Variants in RBFOX1 observed in about 807,000 individuals in gnomAD.
The protein encoded by RBFOX1 is RNA binding protein fox-1 homolog 1.
A neutral mutation model predicts 57.7 loss-of-function variants in RBFOX1; 8 were observed. The ratio of observed to expected loss-of-function variants is 0.14; its 90% CI spans 0.08 to 0.25. RBFOX1 has a LOEUF of 0.25. RBFOX1 is among the 10% of genes least tolerant of loss of function. The pLI, the probability that RBFOX1 is intolerant of heterozygous loss-of-function variation, is 1.00. For missense variants in RBFOX1, 611 were observed against 548.5 expected (o/e 1.11, Z -1.14); for synonymous variants, 326 against 222.4 (o/e 1.47, Z -4.15).
intron 3 of RBFOX1, among the ~76,000 whole-genome samples, chr16:6,957,766 T>A (rs2082173890): frequency 6.6e-6 from 1 of 152,144 alleles, no homozygotes. Context: ...TTCAAACATC[T>A]GTGACTGTTG....
At chr16:6,716,641 C>T (rs1054482514) in intron 3 of RBFOX1, among the ~76,000 whole-genome samples, 1 of 152,184 alleles carries the variant, frequency 6.6e-6, no homozygotes, top group Non-Finnish European at 1.5e-5. Context: ...CCCTTGGACC[C>T]CAGGTATCTG....
intron 4 of RBFOX1, among the ~76,000 whole-genome samples, chr16:7,231,298 C>A (rs546379659): frequency 6.6e-6 from 1 of 152,104 alleles, no homozygotes; most frequent in African/African-American, 2.4e-5. Context: ...ATGTGTTTAT[C>A]CTTAAACCAA....
intron 3 of RBFOX1, among the ~76,000 whole-genome samples, chr16:5,847,193 C>G (rs534938574): frequency 1.8e-4 from 28 of 152,244 alleles, no homozygotes; most frequent in African/African-American, 6.7e-4. Context: ...ATACATGACT[C>G]TCAGGTAGGA....
intron 3 of RBFOX1, among the ~76,000 whole-genome samples, chr16:5,613,648 AG>A (rs1253290153): frequency 6.6e-6 from 1 of 152,202 alleles, no homozygotes; most frequent in African/African-American, 2.4e-5. Flanking sequence ...GAGGCAGTCC[AG>A]TACCAGGACC....
intron 2 of RBFOX1, among the ~76,000 whole-genome samples, chr16:5,550,428 G>C (rs978565298): frequency 2.0e-5 from 3 of 152,182 alleles, no homozygotes; most frequent in African/African-American, 4.8e-5. Context: ...CGCTCTGTTG[G>C]ATCCATCAGC....
intron 2 of RBFOX1, among the ~76,000 whole-genome samples, chr16:5,483,807 C>G (rs979622154): frequency 1.3e-5 from 2 of 152,168 alleles, no homozygotes; most frequent in Non-Finnish European, 2.9e-5. Context: ...CATGGTTTCT[C>G]TGTGTCGGCA....
At chr16:5,710,795 T>C (rs768805431) in intron 3 of RBFOX1, among the ~76,000 whole-genome samples, 1 of 152,154 alleles carries the variant, frequency 6.6e-6, no homozygotes, top group Non-Finnish European at 1.5e-5. Context: ...TCTGGGCTTG[T>C]TGGCAGTGGT....
chr16:7,565,726 T>C (rs1347333262), intron 5 of RBFOX1, among the ~76,000 whole-genome samples: 2 of 152,190 alleles, frequency 1.3e-5, no homozygotes, highest in African/African-American at 4.8e-5. Flanking sequence ...CTCTGAGAAA[T>C]AACTTGATTG....
At chr16:5,964,605 A>G (rs901102574) in intron 4 of RBFOX1, among the ~76,000 whole-genome samples, 31 of 152,056 alleles carry the variant, frequency 2.0e-4, no homozygotes, top group African/African-American at 6.8e-4. Context: ...ATATCTATGT[A>G]TATATATATC....
chr16:7,668,934 C>A (rs182197465), intron 13 of RBFOX1, among the ~76,000 whole-genome samples: 1 of 152,176 alleles, frequency 6.6e-6, no homozygotes, highest in Admixed American at 6.5e-5. Context: ...GGTGGAATCT[C>A]GCTCTGTCGC....
intron 2 of RBFOX1, among the ~76,000 whole-genome samples, chr16:6,594,835 C>G (rs955533154): frequency 2.6e-5 from 4 of 152,180 alleles, no homozygotes; most frequent in African/African-American, 9.7e-5. Context: ...GTCGCCCAGG[C>G]TGGAGTGCAG....
chr16:6,929,046 G>A (rs1269710019), intron 3 of RBFOX1, among the ~76,000 whole-genome samples: 1 of 152,156 alleles, frequency 6.6e-6, no homozygotes, highest in East Asian at 1.9e-4. Flanking sequence ...GAGCCAGTTA[G>A]GAAGACGCCA....
Position 5,424,933 on chromosome 16 carries a change from TTC to T in RBFOX1, c.220-42275_220-42274del, listed in dbSNP as rs1364987875. Among the ~76,000 whole-genome samples the T allele has an allele frequency of 1.5e-4, 16 of 109,860 alleles. No individual in the cohort carries two copies. The East Asian group carries it at 1.9e-3, about 13-fold the overall frequency. 72.1% of individuals were successfully genotyped at this position (109,860 alleles called of 152,430 possible). On this transcript the variant is annotated intron_variant, in intron 1 of 2. Transcript: ENST00000585867. ...TTTCTTTCTTTCTTTCTTTCTTTCT[TTC>T]TCTCTCTTCTTTCTTCCTTTGTTTC...
chr16:7,277,636 AG>A (rs1425444757), intron 4 of RBFOX1, among the ~76,000 whole-genome samples: 5 of 152,156 alleles, frequency 3.3e-5, no homozygotes, highest in Admixed American at 3.3e-4. Flanking sequence ...TCTCAGTGGT[AG>A]GGTTCCTTAA....
intron 4 of RBFOX1, among the ~76,000 whole-genome samples, chr16:5,957,574 C>G (rs1477510109): frequency 6.6e-6 from 1 of 152,162 alleles, no homozygotes; most frequent in Non-Finnish European, 1.5e-5. Flanking sequence ...GCAGCTGATC[C>G]TTCATATGTG....
At chr16:5,618,628 C>T (rs768159615) in intron 3 of RBFOX1, among the ~76,000 whole-genome samples, 16 of 152,216 alleles carry the variant, frequency 1.1e-4, no homozygotes, top group Non-Finnish European at 2.2e-4. Context: ...TGAGCCATCG[C>T]GCCCAGCTGG....
rs551779584 is a variant in RBFOX1 at position 5,821,230 on chromosome 16, T to C, written c.319-46073T>C. 3.9e-3 allele frequency among the ~76,000 whole-genome samples: 585 copies of C among 151,632 alleles called. 3 individuals are homozygous for C. Among genetic ancestry groups the C allele is most frequent in the Middle Eastern group, 0.021 (6 of 290 alleles). ...AGATGCTGAAGCCTAAGACTACTAC[T>C]AGGCTGGCCACTTTCCATCCCAGTT... On this transcript the variant is annotated intron_variant, in intron 3 of 19. Transcript: ENST00000641259.
chr16:6,006,347 C>G (rs1044100979), intron 4 of RBFOX1, among the ~76,000 whole-genome samples: 3 of 146,660 alleles, frequency 2.0e-5, no homozygotes, highest in African/African-American at 5.1e-5. Context: ...AGTGCACACA[C>G]AAGGATTTGT....
intron 1 of RBFOX1, among the ~76,000 whole-genome samples, chr16:6,216,110 C>A (rs1014484062): frequency 6.6e-6 from 1 of 152,058 alleles, no homozygotes; most frequent in South Asian, 2.1e-4. Flanking sequence ...AGGGGAATAA[C>A]GCACACCGGG....
Sources: allele counts gnomAD v4.1 joint callset (sites outside exome capture counted in the v4.1 genomes callset), GRCh38; gene constraint gnomAD v4.1.1; transcripts MANE v1.5; gene names NCBI Gene and HGNC (gene_info 2026-07-23, HGNC 2026-07-21).